The following SLCO3A1 variants were observed in gnomAD, a reference collection of about 807,000 sequenced individuals.
SLCO3A1 encodes the protein solute carrier organic anion transporter family member 3A1.
SLCO3A1 carries 27 observed loss-of-function variants against 63.1 expected under a neutral mutation model. The ratio of observed to expected loss-of-function variants is 0.43; its 90% confidence interval spans 0.32 to 0.59. The LOEUF is 0.59. Among genes scored for constraint, SLCO3A1 ranks in the 20% least tolerant of loss-of-function variants. The pLI is 0.09. For missense variants in SLCO3A1, 773 were observed against 945.8 expected (o/e 0.82, Z 2.40); for synonymous variants, 473 against 409.9 (o/e 1.15, Z -1.86).
At chr15:92,034,196 C>T (rs533322841) in intron 2 of SLCO3A1, among the ~76,000 whole-genome samples, 7 of 151,286 alleles carry the variant, frequency 4.6e-5, no homozygotes, top group East Asian at 3.9e-4. Flanking sequence ...GACTTGGGGC[C>T]GGGGATAGCA....
chr15:92,003,192 A>G (rs760960715), intron 2 of SLCO3A1, among the ~76,000 whole-genome samples: 13 of 152,150 alleles, frequency 8.5e-5, no homozygotes, highest in African/African-American at 3.1e-4. Flanking sequence ...ATTTATTGCT[A>G]TATCTCTCTA....
At chr15:91,930,508 A>G (rs1037723535) in intron 2 of SLCO3A1, among the ~76,000 whole-genome samples, 1 of 152,240 alleles carries the variant, frequency 6.6e-6, no homozygotes, top group Non-Finnish European at 1.5e-5. Context: ...AATATAATGC[A>G]TATGGTGAGA....
rs541695172 is a variant in SLCO3A1, at chr15:91,863,673, T to C, written c.180+9585T>C. ...AAATGTAGGAAAGGAGCATATTTTTTTGGCCGGAGTGATGATTGAGGAGAA... is the reference window on the plus strand; with the variant it reads ...AAATGTAGGAAAGGAGCATATTTTTCTGGCCGGAGTGATGATTGAGGAGAA... On this transcript the variant is annotated intron_variant, in intron 1 of 9. Coordinates refer to ENST00000318445, the MANE Select transcript of SLCO3A1 (RefSeq NM_013272.4). This position sits in a 1 kb window ranked among gnomAD's most constrained non-coding sequence, Gnocchi z 4.3. Among the ~76,000 whole-genome samples, 1 of 152,280 alleles carries C rather than the reference T, an allele frequency of 6.6e-6. No individual in the cohort carries two copies. Among genetic ancestry groups the C allele is most frequent in the African/African-American group, 2.4e-5 (1 of 41,558 alleles).
intron 2 of SLCO3A1, among the ~76,000 whole-genome samples, chr15:92,019,944 G>A (rs2046486899): frequency 6.6e-6 from 1 of 152,136 alleles, no homozygotes; most frequent in Non-Finnish European, 1.5e-5. Context: ...GGGCAGTGAG[G>A]ACTGTATCAA....
At chr15:91,944,200 C>A (rs139489129) in intron 2 of SLCO3A1, among the ~76,000 whole-genome samples, 97 of 150,520 alleles carry the variant, frequency 6.4e-4, no homozygotes, top group Middle Eastern at 3.4e-3. Context: ...AGGAAGCCCT[C>A]ACGTAAGTGT....
At chr15:92,160,628 ATCT>A (rs1212740167) in intron 9 of SLCO3A1, among the ~76,000 whole-genome samples, 3 of 152,148 alleles carry the variant, frequency 2.0e-5, no homozygotes, top group Admixed American at 1.3e-4. Context: ...TCAACCAGAA[ATCT>A]TCTCCGGGGC....
chr15:91,918,208 G>A (rs1019078544), intron 2 of SLCO3A1, among the ~76,000 whole-genome samples: 12 of 152,238 alleles, frequency 7.9e-5, no homozygotes, highest in Non-Finnish European at 1.2e-4. Context: ...ATGGGGGTGT[G>A]GGAGGTGGAG....
At chr15:91,914,567 C>CTTTTTT (rs556314311) in intron 1 of SLCO3A1, among the ~76,000 whole-genome samples, 2 of 122,276 alleles carry the variant, frequency 1.6e-5, no homozygotes, top group African/African-American at 3.1e-5. Context: ...TATTTTCTTC[C>CTTTTTT]TTTTTTTTTT....
chr15:91,975,995 G>A (rs1901094128), intron 2 of SLCO3A1, among the ~76,000 whole-genome samples: 1 of 152,178 alleles, frequency 6.6e-6, no homozygotes, highest in African/African-American at 2.4e-5. Flanking sequence ...TGATTATTGG[G>A]TTGTTAGAGA....
chr15:92,033,345 C>T lies in SLCO3A1; in HGVS notation c.647-61536C>T, dbSNP rs1425959328. Among the ~76,000 whole-genome samples, 3 of 152,208 alleles carry T rather than the reference C, an allele frequency of 2.0e-5. No homozygotes were observed. Among genetic ancestry groups the T allele is most frequent in the Non-Finnish European group, 4.4e-5 (3 of 68,040 alleles). On this transcript the variant is annotated intron_variant, in intron 2 of 9. Transcript: ENST00000318445. The surrounding 1 kb of genome is among the most constrained non-coding windows in gnomAD (Gnocchi z 4.5). ...CCTTTGGAGAGACTTCTGCAACCCT[C>T]CTCTCCTCCAAGAGCAGGGTAACTT...
At position 91,854,894 on chromosome 15, in the gene SLCO3A1, G is replaced by A. The variant is rs923154927; in HGVS notation, c.180+806G>A. The stretch of plus-strand genomic sequence containing the variant: ...GGGCCCATGGGTGCGTAACATTTCA[G>A]AGGAAACAGCTTGTAATGACTCAGC... On this transcript the variant is annotated intron_variant, in intron 1 of 9. Coordinates refer to ENST00000318445, the MANE Select transcript of SLCO3A1 (RefSeq NM_013272.4). This position sits in a 1 kb window ranked among gnomAD's most constrained non-coding sequence, Gnocchi z 6.4. Among the ~76,000 whole-genome samples the A allele has an allele frequency of 2.0e-5, 3 of 152,156 alleles. No individual in the cohort carries two copies. The highest frequency in any genetic ancestry group is 7.2e-5 in the African/African-American group (3 of 41,420).
At chr15:92,161,525 G>A (rs1427994941) in intron 9 of SLCO3A1, 1 of 152,216 alleles carries the variant, frequency 6.6e-6, no homozygotes, top group Non-Finnish European at 1.5e-5. Flanking sequence ...GCTCTACCGT[G>A]AGGGTTTCAA....
intron 1 of SLCO3A1, among the ~76,000 whole-genome samples, chr15:91,907,514 C>G (rs1368366850): frequency 6.7e-6 from 1 of 150,014 alleles, no homozygotes; most frequent in South Asian, 2.1e-4. Context: ...CCCAAGGAGG[C>G]CTTTCTTTTT....
intron 2 of SLCO3A1, among the ~76,000 whole-genome samples, chr15:92,032,642 C>T (rs1219915139): frequency 7.3e-6 from 1 of 137,352 alleles, no homozygotes; most frequent in Admixed American, 7.0e-5. Flanking sequence ...GGCAGAAAGC[C>T]CTGGGTGCGG....
chr15:92,044,098 A>C (rs1481080372), intron 2 of SLCO3A1, among the ~76,000 whole-genome samples: 3 of 152,022 alleles, frequency 2.0e-5, no homozygotes, highest in African/African-American at 7.2e-5. Flanking sequence ...CCATTATACG[A>C]ATTCTTAGGA....
chr15:91,964,984 CCATG>C (rs1900604348), intron 2 of SLCO3A1, among the ~76,000 whole-genome samples: 1 of 152,036 alleles, frequency 6.6e-6, no homozygotes, highest in Non-Finnish European at 1.5e-5. Flanking sequence ...TCTGCGTGTG[CCATG>C]CCAGCTTTTG....
chr15:91,990,466 T>A (rs2046112162), intron 2 of SLCO3A1, among the ~76,000 whole-genome samples: 1 of 152,102 alleles, frequency 6.6e-6, no homozygotes, highest in African/African-American at 2.4e-5. Context: ...CTCAGACTCC[T>A]GAACTGGTTT....
chr15:91,891,716 C>G (rs776119545), intron 1 of SLCO3A1, among the ~76,000 whole-genome samples: 1 of 152,202 alleles, frequency 6.6e-6, no homozygotes, highest in South Asian at 2.1e-4. Context: ...TAAGTTAACA[C>G]GCAGCTTCAC....
intron 2 of SLCO3A1, among the ~76,000 whole-genome samples, chr15:91,936,909 A>G (rs943499048): frequency 6.6e-6 from 1 of 152,190 alleles, no homozygotes. Flanking sequence ...GGTTCCACAA[A>G]TATGGTCACT....
Sources: gnomAD v4.1 joint callset for allele counts (sites outside exome capture counted in the v4.1 genomes callset) on GRCh38, gnomAD v4.1.1 for gene constraint, Gnocchi (gnomAD v3.1) non-coding constraint, MANE v1.5 for transcripts, NCBI Gene and HGNC (gene_info 2026-07-23, HGNC 2026-07-21) for gene names.